The following SLC35D4 variants were observed in gnomAD, a reference collection of about 807,000 sequenced individuals.
The protein encoded by SLC35D4 is solute carrier family 35 member D4.
the SLC35D4 span, among the ~76,000 whole-genome samples, chr18:23,288,447 G>A: frequency 2.6e-5 from 4 of 152,028 alleles, no homozygotes; most frequent in Non-Finnish European, 5.9e-5. Flanking sequence ...TACACATCAA[G>A]CCCAGGGATT....
At chr18:23,373,881 C>T in the SLC35D4 span, 4 of 1,043,398 alleles carry the variant, frequency 3.8e-6, no homozygotes, top group South Asian at 1.6e-5. Context: ...CCTGCGAGAC[C>T]AACTTGGTTC....
the SLC35D4 span, chr18:23,370,093 C>T: frequency 1.4e-5 from 10 of 713,502 alleles, no homozygotes; most frequent in South Asian, 1.2e-4. Context: ...GCAGGCGAAT[C>T]GCTTGAACCC....
At chr18:23,411,545 GAAA>G in the SLC35D4 span, among the ~76,000 whole-genome samples, 44 of 150,168 alleles carry the variant, frequency 2.9e-4, no homozygotes, top group African/African-American at 1.0e-3. Context: ...AAGAAAGAAA[GAAA>G]GAAAGGTGTG....
chr18:23,353,076 A>AGTGTGTGTGTTTGTGTGT, the SLC35D4 span, among the ~76,000 whole-genome samples: 4 of 126,524 alleles, frequency 3.2e-5, no homozygotes, highest in Non-Finnish European at 6.6e-5. Context: ...TGAGACAGAC[A>AGTGTGTGTGTTTGTGTGT]GTGTGTGTGT....
At chr18:23,339,669 A>T in the SLC35D4 span, among the ~76,000 whole-genome samples, 1 of 152,154 alleles carries the variant, frequency 6.6e-6, no homozygotes. Context: ...AGCAATAAAG[A>T]TTTGTCTCTC....
chr18:23,291,888 G>C, the SLC35D4 span, among the ~76,000 whole-genome samples: 1 of 152,160 alleles, frequency 6.6e-6, no homozygotes, highest in Non-Finnish European at 1.5e-5. Flanking sequence ...CTCCGGGCTG[G>C]GCTCAGGGAC....
chr18:23,371,372 G>C, the SLC35D4 span: 60 of 1,439,316 alleles, frequency 4.2e-5, no homozygotes, highest in Admixed American at 7.3e-5. Flanking sequence ...TGGGATTCCA[G>C]GTATGAGCCA....
the SLC35D4 span, among the ~76,000 whole-genome samples, chr18:23,406,667 C>G: frequency 6.6e-6 from 1 of 152,216 alleles, no homozygotes; most frequent in Non-Finnish European, 1.5e-5. Context: ...CCACATTCAG[C>G]TACTTCAGCT....
At chr18:23,370,176 G>A in the SLC35D4 span, 2 of 1,556,152 alleles carry the variant, frequency 1.3e-6, no homozygotes, top group Non-Finnish European at 1.7e-6. Flanking sequence ...TCCAACAAGA[G>A]CTAAACTCCA....
At chr18:23,255,557 AT>A in the SLC35D4 span, among the ~76,000 whole-genome samples, 16,377 of 132,472 alleles carry the variant, frequency 0.12, 691 homozygotes, top group Middle Eastern at 0.21. Context: ...TGAACTAATG[AT>A]TTTTTTTTTT....
the SLC35D4 span, among the ~76,000 whole-genome samples, chr18:23,250,262 A>G: frequency 2.0e-5 from 3 of 152,208 alleles, no homozygotes; most frequent in African/African-American, 4.8e-5. Context: ...GCCTGCTCAC[A>G]TCATTGCAAA....
the SLC35D4 span, among the ~76,000 whole-genome samples, chr18:23,325,781 G>T: frequency 2.6e-5 from 4 of 152,012 alleles, no homozygotes; most frequent in Admixed American, 2.0e-4. Flanking sequence ...AATATGAATT[G>T]TGGCCTTTCC....
At chr18:23,265,180 G>T in the SLC35D4 span, among the ~76,000 whole-genome samples, 1 of 152,154 alleles carries the variant, frequency 6.6e-6, no homozygotes, top group Admixed American at 6.5e-5. Context: ...TTGCCCTCCA[G>T]CTTCTGGTTA....
chr18:23,416,180 C>T, the SLC35D4 span, among the ~76,000 whole-genome samples: 1 of 152,194 alleles, frequency 6.6e-6, no homozygotes, highest in Non-Finnish European at 1.5e-5. Flanking sequence ...CATTGCCCTC[C>T]AGCTTGTGTG....
chr18:23,286,955 A>G, the SLC35D4 span, among the ~76,000 whole-genome samples: 19 of 151,190 alleles, frequency 1.3e-4, no homozygotes, highest in African/African-American at 4.2e-4. Context: ...CACAAGTATA[A>G]GATACCTCTA....
At chr18:23,413,885 A>G in the SLC35D4 span, among the ~76,000 whole-genome samples, 1 of 151,550 alleles carries the variant, frequency 6.6e-6, no homozygotes, top group Admixed American at 6.6e-5. Context: ...CGGAGCTTGC[A>G]GTGAGCCAAG....
chr18:23,413,171 A>AAGCTCCAT, the SLC35D4 span, among the ~76,000 whole-genome samples: 4 of 152,090 alleles, frequency 2.6e-5, no homozygotes, highest in South Asian at 8.3e-4. Flanking sequence ...GCCCAGCCTC[A>AAGCTCCAT]AGCTCCATTT....
At chr18:23,429,596 G>C in the SLC35D4 span, among the ~76,000 whole-genome samples, 2 of 152,116 alleles carry the variant, frequency 1.3e-5, no homozygotes, top group Non-Finnish European at 2.9e-5. Context: ...GGCTGATCTT[G>C]AACTCCTGAC....
At chr18:23,251,461 A>T in the SLC35D4 span, among the ~76,000 whole-genome samples, 3 of 152,136 alleles carry the variant, frequency 2.0e-5, no homozygotes, top group East Asian at 5.8e-4. Context: ...AAAAAAAATA[A>T]AAAAAGATTA....
Sources: allele counts gnomAD v4.1 joint callset (sites outside exome capture counted in the v4.1 genomes callset), GRCh38; gene constraint gnomAD v4.1.1; transcripts MANE v1.5; gene names NCBI Gene and HGNC (gene_info 2026-07-23, HGNC 2026-07-21).